Variants in NTM observed in about 807,000 individuals in gnomAD.
The protein encoded by NTM is neurotrimin, also known as IgLON family member 2.
Under a neutral mutation model 42.1 loss-of-function variants are expected in NTM, and 13 were observed. The ratio of observed to expected loss-of-function variants is 0.31; its 90% CI spans 0.20 to 0.49. The LOEUF is 0.49. Among genes scored for constraint, NTM ranks in the 20% least tolerant of loss-of-function variants. The probability of loss-of-function intolerance (pLI) is 0.99; values close to 1 mark genes in which losing one functional copy is unlikely to be tolerated. For synonymous variants in NTM, 187 were observed against 179.2 expected (o/e 1.04, Z -0.35); for missense variants, 373 against 452.8 (o/e 0.82, Z 1.60).
chr11:131,461,743 C>T (rs1042533995), intron 1 of NTM, among the ~76,000 whole-genome samples: 2 of 152,066 alleles, frequency 1.3e-5, no homozygotes, highest in Non-Finnish European at 2.9e-5. Flanking sequence ...ATATTATCTA[C>T]CTTGATTATG....
intron 1 of NTM, among the ~76,000 whole-genome samples, chr11:131,575,035 C>T (rs1015068119): frequency 1.3e-5 from 2 of 152,128 alleles, no homozygotes; most frequent in African/African-American, 2.4e-5. Flanking sequence ...GCAATAATCT[C>T]CTATTCAGCA....
intron 4 of NTM, among the ~76,000 whole-genome samples, chr11:132,228,360 G>C (rs2086752540): frequency 6.6e-6 from 1 of 152,152 alleles, no homozygotes; most frequent in South Asian, 2.1e-4. Context: ...AGGGATGAGG[G>C]AGAGCTCACC....
intron 2 of NTM, among the ~76,000 whole-genome samples, chr11:132,125,412 CTA>C (rs770657099): frequency 4.2e-5 from 5 of 119,904 alleles, no homozygotes; most frequent in African/African-American, 1.3e-4. Context: ...GTAGTGTGTG[CTA>C]TGTGATGTAT....
At chr11:131,982,454 A>G (rs1250869979) in intron 2 of NTM, among the ~76,000 whole-genome samples, 1 of 152,102 alleles carries the variant, frequency 6.6e-6, no homozygotes, top group Non-Finnish European at 1.5e-5. Context: ...ATGAGGAAAC[A>G]AGGAGGGTCA....
intron 1 of NTM, among the ~76,000 whole-genome samples, chr11:131,548,686 G>T (rs1231301898): frequency 1.3e-5 from 2 of 152,122 alleles, no homozygotes; most frequent in African/African-American, 4.8e-5. Flanking sequence ...AGACTGACAA[G>T]TGTTGCTTTA....
intron 1 of NTM, among the ~76,000 whole-genome samples, chr11:131,812,882 C>G (rs1001351412): frequency 6.6e-6 from 1 of 152,100 alleles, no homozygotes; most frequent in African/African-American, 2.4e-5. Flanking sequence ...AGCAAAGGAG[C>G]ATGTGAGGAG....
intron 2 of NTM, among the ~76,000 whole-genome samples, chr11:132,064,312 CCTAT>C (rs1285842658): frequency 9.2e-5 from 14 of 152,122 alleles, no homozygotes; most frequent in African/African-American, 3.4e-4. Context: ...TATCTATCTA[CCTAT>C]CTATCTATCC....
intron 2 of NTM, among the ~76,000 whole-genome samples, chr11:132,033,363 G>A (rs761532937): frequency 1.3e-5 from 2 of 152,246 alleles, no homozygotes; most frequent in Admixed American, 6.5e-5. Flanking sequence ...GATAACATGA[G>A]TGGTGAATAG....
chr11:132,332,537 C>G (rs184877003), intron 8 of NTM: 1 of 152,154 alleles, frequency 6.6e-6, no homozygotes, highest in African/African-American at 2.4e-5. Flanking sequence ...GGTGAGGACA[C>G]GACTCGTCTT....
At chr11:131,878,401 T>C (rs1055818503) in intron 1 of NTM, among the ~76,000 whole-genome samples, 1 of 151,164 alleles carries the variant, frequency 6.6e-6, no homozygotes, top group East Asian at 1.9e-4. Flanking sequence ...TGAAACACCG[T>C]CTGTATTTAC....
intron 1 of NTM, among the ~76,000 whole-genome samples, chr11:131,759,306 G>A (rs948348953): frequency 5.9e-5 from 9 of 152,174 alleles, no homozygotes; most frequent in African/African-American, 2.2e-4. Context: ...CGTGTTCATC[G>A]TTCCAAGAGA....
intron 1 of NTM, chr11:131,660,984 G>A (rs1167233201): frequency 7.7e-7 from 1 of 1,303,850 alleles, no homozygotes; most frequent in African/African-American, 1.5e-5. Context: ...TTTTTAAAGT[G>A]GAAAAAAAAA....
intron 1 of NTM, among the ~76,000 whole-genome samples, chr11:131,792,290 G>A (rs2091039598): frequency 1.3e-5 from 2 of 152,066 alleles, no homozygotes; most frequent in South Asian, 2.1e-4. Context: ...GAAAATATTT[G>A]GTGGGTAATG....
intron 1 of NTM, among the ~76,000 whole-genome samples, chr11:131,713,430 G>T (rs2077375800): frequency 6.6e-6 from 1 of 152,136 alleles, no homozygotes; most frequent in Admixed American, 6.5e-5. Context: ...GATGTTAAGT[G>T]TCTCATTAAC....
At chr11:131,524,531 C>T (rs1301836825) in intron 1 of NTM, among the ~76,000 whole-genome samples, 1 of 152,206 alleles carries the variant, frequency 6.6e-6, no homozygotes, top group South Asian at 2.1e-4. Context: ...AGGATAAGCA[C>T]AGAAGAACAG....
intron 1 of NTM, among the ~76,000 whole-genome samples, chr11:131,497,477 G>T (rs947271619): frequency 6.6e-6 from 1 of 151,310 alleles, no homozygotes; most frequent in Admixed American, 6.6e-5. Context: ...TTGAGCCACC[G>T]TGCCTAGCCC....
intron 1 of NTM, among the ~76,000 whole-genome samples, chr11:131,598,758 C>G (rs868856874): frequency 0.012 from 407 of 33,340 alleles, 27 homozygotes; most frequent in African/African-American, 0.038. Context: ...TTTCTTTCTT[C>G]TTTCTTTTTT....
intron 2 of NTM, among the ~76,000 whole-genome samples, chr11:132,023,879 C>T (rs913262023): frequency 1.3e-4 from 20 of 151,592 alleles, no homozygotes; most frequent in Admixed American, 2.0e-4. Flanking sequence ...AGTGCAGTGG[C>T]GCGATCTCGG....
At chr11:132,091,430 A>T (rs182230781) in intron 2 of NTM, among the ~76,000 whole-genome samples, 1 of 152,154 alleles carries the variant, frequency 6.6e-6, no homozygotes, top group Non-Finnish European at 1.5e-5. Context: ...AATTAATAAA[A>T]TAATAAATTA....
Sources: gnomAD v4.1 joint callset for allele counts (sites outside exome capture counted in the v4.1 genomes callset) on GRCh38, gnomAD v4.1.1 for gene constraint, MANE v1.5 for transcripts, NCBI Gene and HGNC (gene_info 2026-07-23, HGNC 2026-07-21) for gene names.